ZNF705G: variants seen among roughly 807,000 people sequenced by gnomAD.
ZNF705G encodes zinc finger protein 705G.
Under a neutral mutation model 19.6 loss-of-function variants are expected in ZNF705G, and 23 were observed. That is an observed-to-expected ratio of 1.17 (90% CI 0.84 to 1.66). ZNF705G has a LOEUF of 1.66. Among genes scored for constraint, ZNF705G ranks in the 40% most tolerant of loss-of-function variants. The pLI is 0.00. For synonymous variants in ZNF705G, 146 were observed against 117.7 expected (o/e 1.24, Z -1.56); for missense variants, 457 against 354.4 (o/e 1.29, Z -2.32).
intron 5 of ZNF705G, among the ~76,000 whole-genome samples, chr8:7,359,934 A>G (rs1225820976): frequency 6.7e-6 from 1 of 149,514 alleles, no homozygotes; most frequent in Non-Finnish European, 1.5e-5. Context: ...TCAGGCAGGT[A>G]AAAAGAGGGA....
chr8:7,378,862 A>G (rs1807358794), intron 2 of ZNF705G, among the ~76,000 whole-genome samples: 1 of 146,972 alleles, frequency 6.8e-6, no homozygotes, highest in African/African-American at 2.7e-5. Context: ...GGAAACCTCA[A>G]TTCCCCTTTG....
chr8:7,361,456 C>G (rs1336003927), intron 3 of ZNF705G, among the ~76,000 whole-genome samples: 1 of 149,630 alleles, frequency 6.7e-6, no homozygotes, highest in Admixed American at 6.6e-5. Context: ...AAAGAAATAT[C>G]ACATGAGGTG....
chr8:7,363,906 T>C (rs1383690937), intron 2 of ZNF705G, among the ~76,000 whole-genome samples: 1 of 149,526 alleles, frequency 6.7e-6, no homozygotes, highest in South Asian at 2.1e-4. Context: ...CCTGCTAATA[T>C]AGCCCTTAAA....
Position 7,361,322 on chromosome 8 carries a change from C to G in ZNF705G, c.13-86G>C, listed in dbSNP as rs1212514970. On this transcript the variant is annotated intron_variant, in intron 3 of 6. Coordinates refer to ENST00000400156, the MANE Select transcript of ZNF705G (RefSeq NM_001164457.3). Reference sequence around the variant, plus strand: ...AAGGCTGAGATGACATAGCTAGCAGCTGGGTATGCAGAATACTCAGTGTTT... The same window carrying G: ...AAGGCTGAGATGACATAGCTAGCAGGTGGGTATGCAGAATACTCAGTGTTT... 181 of 1,589,312 alleles carry G rather than the reference C, an allele frequency of 1.1e-4. 3 individuals carry two copies. Among genetic ancestry groups the G allele is most frequent in the South Asian group, 7.4e-4 (67 of 89,994 alleles).
intron 2 of ZNF705G, among the ~76,000 whole-genome samples, chr8:7,368,905 G>T (rs1487167387): frequency 6.7e-6 from 1 of 149,678 alleles, no homozygotes; most frequent in Non-Finnish European, 1.5e-5. Context: ...AAACCTGCAG[G>T]TGCACAAGGT....
rs1479206951 is a variant in ZNF705G at position 7,380,398 on chromosome 8, C to T, written c.-72+1054G>A. Among the ~76,000 whole-genome samples, 2 of 147,600 alleles carry T rather than the reference C, an allele frequency of 1.4e-5. 1 individual carries two copies. Among genetic ancestry groups the T allele is most frequent in the African/African-American group, 5.4e-5 (2 of 37,026 alleles). On this transcript the variant is annotated intron_variant, in intron 2 of 6. Transcript: ENST00000400156. ...CCTTCTTGTGAACTGAGTATGAGCC[C>T]ACCCAGCCTGGTGGTGCCTGTGCAC...
At chr8:7,383,139 T>A (rs1269439494) in intron 1 of ZNF705G, among the ~76,000 whole-genome samples, 2 of 150,178 alleles carry the variant, frequency 1.3e-5, no homozygotes, top group African/African-American at 2.5e-5. Flanking sequence ...TTTTTTTTTT[T>A]TTTTTTTGCT....
chr8:7,364,960 C>G (rs1806790469), intron 2 of ZNF705G, among the ~76,000 whole-genome samples: 1 of 149,632 alleles, frequency 6.7e-6, no homozygotes, highest in Non-Finnish European at 1.5e-5. Context: ...CAAGTAAACT[C>G]TTCCTCGAAT....
chr8:7,361,116 A>G lies in ZNF705G; in HGVS notation c.133T>C (p.Ser45Pro), dbSNP rs749081793. 2 of 1,592,690 alleles carry G rather than the reference A, an allele frequency of 1.3e-6. No individual in the cohort carries two copies. Among genetic ancestry groups the G allele is most frequent in the South Asian group, 2.2e-5 (2 of 90,710 alleles). ...TGAATGTTCAGGGACTCACCGAGGG[A>G]CACCAGGTGACTGATATTTTCCAGC... ...VMLENISHLVSLGYQISKSYI... is the reference protein window; with the variant it reads ...VMLENISHLVPLGYQISKSYI... The change falls in exon 4 of 7, where the codon TCC (serine) becomes CCC (proline). Residue 45 changes from serine (S) to proline (P), a missense_variant. Transcript: ENST00000400156.
chr8:7,368,351 G>A (rs1806954434), intron 2 of ZNF705G, among the ~76,000 whole-genome samples: 1 of 149,474 alleles, frequency 6.7e-6, no homozygotes, highest in Non-Finnish European at 1.5e-5. Flanking sequence ...GTACTAGAAA[G>A]CATTCGCAGT....
At chr8:7,365,969 A>G (rs1464067941) in intron 2 of ZNF705G, among the ~76,000 whole-genome samples, 1 of 149,492 alleles carries the variant, frequency 6.7e-6, no homozygotes, top group African/African-American at 2.6e-5. Flanking sequence ...ATTATTTAGT[A>G]GATTCTCTCA....
At position 7,355,584 on chromosome 8, in the gene ZNF705G, C is replaced by A. The variant is rs1466182008; in HGVS notation, c.*2392G>T. 6.7e-6 allele frequency: 1 copy of A among 149,774 alleles called. No individual in the cohort carries two copies. Among genetic ancestry groups the A allele is most frequent in the Admixed American group, 6.6e-5 (1 of 15,240 alleles). 9.3% of individuals were successfully genotyped at this position (149,774 alleles called of 1,614,324 possible). A position where few individuals can be genotyped will look rare whatever the true frequency, so the allele number is the denominator to read the frequency against. ...AAATTCAAAAATCAGTATACAAAAG[C>A]CGATTGATTCCCTCTATGTGGAGGG... On this transcript the variant is annotated 3_prime_UTR_variant, in exon 7 of 7. Coordinates refer to ENST00000400156, the MANE Select transcript of ZNF705G (RefSeq NM_001164457.3).
rs1585407071 is a variant in ZNF705G at position 7,359,103 on chromosome 8, C to T, written c.318+516G>A. Among the ~76,000 whole-genome samples, 3 of 149,704 alleles carry T rather than the reference C, an allele frequency of 2.0e-5. No homozygotes were observed. The South Asian group carries it at 6.3e-4, about 31-fold the overall frequency. On this transcript the variant is annotated intron_variant, in intron 6 of 6. Transcript: ENST00000400156. ...AATGCATGAATGACTATTTTTTCTA[C>T]CCACCTTTTACATGAAAATTGTGTA...
intron 2 of ZNF705G, among the ~76,000 whole-genome samples, chr8:7,371,113 A>T (rs1162347459): frequency 1.4e-5 from 2 of 142,650 alleles, no homozygotes; most frequent in Non-Finnish European, 3.0e-5. Context: ...ACATATATGC[A>T]ATGGAATATT....
At chr8:7,362,165 A>T (rs572799583) in intron 3 of ZNF705G, among the ~76,000 whole-genome samples, 13 of 149,614 alleles carry the variant, frequency 8.7e-5, no homozygotes, top group Middle Eastern at 3.4e-3. Context: ...AAGCATTTCC[A>T]CAGAACCCTA....
chr8:7,370,269 TCA>T (rs1807043357), intron 2 of ZNF705G, among the ~76,000 whole-genome samples: 2 of 84,402 alleles, frequency 2.4e-5, no homozygotes, highest in African/African-American at 5.8e-5. Context: ...AGACTCCATC[TCA>T]AAAAAAAAAA....
At position 7,369,891 on chromosome 8, in the gene ZNF705G, G is replaced by T. The variant is rs552224254; in HGVS notation, c.-71-6874C>A. ...ACAGATACTGGGAACTACTAGAGGGGGAAGGGAAGGTGGGGACAAAGGCCT... is the reference window on the plus strand; with the variant it reads ...ACAGATACTGGGAACTACTAGAGGGTGAAGGGAAGGTGGGGACAAAGGCCT... On this transcript the variant is annotated intron_variant, in intron 2 of 6. Coordinates refer to ENST00000400156, the MANE Select transcript of ZNF705G (RefSeq NM_001164457.3). Among the ~76,000 whole-genome samples, 6 of 149,206 alleles carry T rather than the reference G, an allele frequency of 4.0e-5. 1 individual carries two copies. The highest frequency in any genetic ancestry group is 1.6e-4 in the African/African-American group (6 of 38,698).
intron 2 of ZNF705G, among the ~76,000 whole-genome samples, chr8:7,368,426 T>C (rs1266268849): frequency 6.7e-6 from 1 of 149,434 alleles, no homozygotes; most frequent in Non-Finnish European, 1.5e-5. Context: ...CTAAAATTCT[T>C]TGGAGGTAAA....
chr8:7,369,754 G>C (rs1278531777), intron 2 of ZNF705G, among the ~76,000 whole-genome samples: 1 of 149,322 alleles, frequency 6.7e-6, no homozygotes, highest in Non-Finnish European at 1.5e-5. Flanking sequence ...CATGGATGCA[G>C]CTGGAGGCCA....
Sources: gnomAD v4.1 joint callset for allele counts (sites outside exome capture counted in the v4.1 genomes callset) on GRCh38, gnomAD v4.1.1 for gene constraint, MANE v1.5 for transcripts, NCBI Gene and HGNC (gene_info 2026-07-23, HGNC 2026-07-21) for gene names.